PTCH1: variants seen among roughly 807,000 people sequenced by gnomAD.
PTCH1 encodes protein patched homolog 1.
A neutral mutation model predicts 144.6 loss-of-function variants in PTCH1; 14 were observed. That is an observed-to-expected ratio of 0.10 (90% CI 0.06 to 0.15). PTCH1 has a LOEUF of 0.15. Ranked by LOEUF, PTCH1 falls within the 10% of genes least tolerant of loss-of-function variation. The pLI is 1.00. For synonymous variants in PTCH1, 833 were observed against 793.6 expected, an observed-to-expected ratio of 1.05 and a Z score of -0.83; for missense variants, 1,623 against 1,948.3, an observed-to-expected ratio of 0.83 and a Z score of 3.14.
At position 95,508,842 on chromosome 9, in the gene PTCH1, C is replaced by G; in HGVS notation, c.-481G>C. On this transcript the variant is annotated 5_prime_UTR_variant, in exon 1 of 24. Coordinates refer to ENST00000331920, the MANE Select transcript of PTCH1 (RefSeq NM_000264.5). The stretch of plus-strand genomic sequence containing the variant: ...CCGCGCTGGCTCTCTCGGCGCCTCC[C>G]GGGTCGCCCGAGCGGCCGCGGAGGG... The G allele has an allele frequency of 2.0e-6, 2 of 983,950 alleles. No homozygotes were observed. Among genetic ancestry groups the G allele is most frequent in the Non-Finnish European group, 2.4e-6 (2 of 829,360 alleles). 61.0% of individuals were successfully genotyped at this position (983,950 alleles called of 1,614,324 possible). A position where few individuals can be genotyped will look rare whatever the true frequency, so the allele number is the denominator to read the frequency against.
upstream of PTCH1, among the ~76,000 whole-genome samples, chr9:95,512,748 C>G (rs1261604391): frequency 6.6e-6 from 1 of 152,202 alleles, no homozygotes; most frequent in African/African-American, 2.4e-5. Flanking sequence ...GCAGCCAGAC[C>G]TGCTAAGGTG....
At chr9:95,507,985 G>A in intron 1 of PTCH1, 176 bp downstream of exon 1, 4 of 1,505,336 alleles carry the variant, frequency 2.7e-6, no homozygotes, top group Admixed American at 2.0e-5. Context: ...ACCAGAGGGA[G>A]GGTTTGAATT....
intron 1 of PTCH1, chr9:95,507,735 A>C: frequency 5.2e-6 from 1 of 193,028 alleles, no homozygotes; most frequent in Non-Finnish European, 9.7e-6. Context: ...ATGTTAAGAA[A>C]TGTGGCAGCC....
chr9:95,481,628 C>T (rs1418581985), intron 5 of PTCH1, among the ~76,000 whole-genome samples: 1 of 152,146 alleles, frequency 6.6e-6, no homozygotes, highest in Non-Finnish European at 1.5e-5. Flanking sequence ...TGTCTAAATG[C>T]CTCGTCTTCG....
chr9:95,508,437 G>C lies in PTCH1; in HGVS notation c.-76C>G. 1 of 1,034,886 alleles carries C rather than the reference G, an allele frequency of 9.7e-7. No individual in the cohort carries two copies. The highest frequency in any genetic ancestry group is 1.2e-6 in the Non-Finnish European group (1 of 863,466). 64.1% of individuals were successfully genotyped at this position (1,034,886 alleles called of 1,614,324 possible). A position where few individuals can be genotyped will look rare whatever the true frequency, so the allele number is the denominator to read the frequency against. ...CCGGCGCGCTGCTGCCGCTGCTGCG[G>C]GCTCCTGGCGCGCCTGGGCGCTCGG... On this transcript the variant is annotated 5_prime_UTR_variant, in exon 1 of 24. Transcript: ENST00000331920.
intron 22 of PTCH1, among the ~76,000 whole-genome samples, chr9:95,448,567 C>T (rs1838163181): frequency 6.6e-6 from 1 of 152,146 alleles, no homozygotes; most frequent in Middle Eastern, 3.4e-3. Context: ...AGCTTGGAGC[C>T]CCAAAAGCTA....
At chr9:95,459,859 A>G (rs1839310265) in intron 16 of PTCH1, 76 bp from the exon 17 acceptor site, 1 of 1,502,846 alleles carries the variant, frequency 6.7e-7, no homozygotes, top group African/African-American at 1.4e-5. Context: ...AGAGCACAGA[A>G]GCTGAGCTTC....
chr9:95,471,096 A>G (rs1294864520), intron 12 of PTCH1, among the ~76,000 whole-genome samples: 2 of 151,148 alleles, frequency 1.3e-5, no homozygotes, highest in African/African-American at 4.9e-5. Context: ...AAAAAAAAAG[A>G]AAGAAAGAAA....
chr9:95,466,750 A>G (rs976048323), intron 15 of PTCH1, among the ~76,000 whole-genome samples: 1 of 152,234 alleles, frequency 6.6e-6, no homozygotes, highest in Non-Finnish European at 1.5e-5. Context: ...TTTGGCAATC[A>G]GTCTGGAAAT....
chr9:95,449,899 A>C lies in PTCH1; in HGVS notation c.3491T>G (p.Val1164Gly). Residue 1164 changes from valine to glycine, a missense_variant, in exon 21 of 24, where the codon GTT becomes GGT. Physicochemically the swap from Val to Gly is moderately radical, Grantham distance 109 (BLOSUM62 -3). Around this residue, in one of 7 missense-constraint regions of PTCH1, gnomAD observed 504 missense variants for 679.3 expected, o/e 0.74. Transcript: ENST00000331920. This position sits in a 1 kb window ranked among gnomAD's most constrained non-coding sequence, Gnocchi z 5.3. Reference sequence around the variant, plus strand: ...GGGAAGCAAAACCAGCCCATTGAGAACGCCGAGGATGGTGAGGATCGCCAG... The same window carrying C: ...GGGAAGCAAAACCAGCCCATTGAGACCGCCGAGGATGGTGAGGATCGCCAG... ...AVLAILTILG[V>G]LNGLVLLPVL... 1 of 1,614,166 alleles carries C rather than the reference A, an allele frequency of 6.2e-7. No individual in the cohort carries two copies. Among genetic ancestry groups the C allele is most frequent in the South Asian group, 1.1e-5 (1 of 91,074 alleles).
rs566029140 is a variant in PTCH1 at position 95,446,067 on chromosome 9, A to G, written c.*326T>C. The G allele has an allele frequency of 1.0e-5, 2 of 195,898 alleles. No homozygotes were observed. The highest frequency in any genetic ancestry group is 4.5e-5 in the African/African-American group (2 of 44,486). The allele number at this position is 195,898 out of a possible 1,614,324, so 12.1% of individuals were successfully genotyped here. A position where few individuals can be genotyped will look rare whatever the true frequency, so the allele number is the denominator to read the frequency against. ...GCAACATATGCTGAAATTTAAGACT[A>G]ATGAAGCTTGGTTGTGGCACGGAGC... On this transcript the variant is annotated 3_prime_UTR_variant, in exon 24 of 24. Coordinates refer to ENST00000331920, the MANE Select transcript of PTCH1 (RefSeq NM_000264.5).
chr9:95,446,648 C>CTGTTTG, intron 23 of PTCH1: 1 of 581,962 alleles, frequency 1.7e-6, no homozygotes, highest in South Asian at 1.9e-5. Context: ...AAAGGTGGTG[C>CTGTTTG]TGTTTGTGTC....
intron 17 of PTCH1, 134 bp downstream of exon 17, chr9:95,459,466 G>C: frequency 8.8e-7 from 1 of 1,140,494 alleles, no homozygotes; most frequent in Non-Finnish European, 1.3e-6. Flanking sequence ...AGTTTTAAAC[G>C]AGAAGAAATA....
intron 8 of PTCH1, among the ~76,000 whole-genome samples, chr9:95,478,413 T>A (rs1841260130): frequency 6.6e-6 from 1 of 152,192 alleles, no homozygotes; most frequent in South Asian, 2.1e-4. Context: ...TGGGTGCTGC[T>A]GAGGGCTGGT....
chr9:95,469,734 T>C, intron 13 of PTCH1, 79 bp downstream of exon 13: 2 of 1,345,302 alleles, frequency 1.5e-6, no homozygotes, highest in South Asian at 2.3e-5. Context: ...CATTCCTTTA[T>C]AAGTCCACAG....
chr9:95,490,609 A>G (rs1842330223), intron 2 of PTCH1, among the ~76,000 whole-genome samples: 1 of 151,852 alleles, frequency 6.6e-6, no homozygotes, highest in Non-Finnish European at 1.5e-5. Context: ...TTAAAAACAA[A>G]CTCAATGCAA....
chr9:95,476,102 T>A lies in PTCH1; in HGVS notation c.1660A>T (p.Ser554Cys), dbSNP rs1060502282. 1.2e-6 allele frequency: 2 copies of A among 1,613,840 alleles called. No homozygotes were observed. Among genetic ancestry groups the A allele is most frequent in the Non-Finnish European group, 8.5e-7 (1 of 1,179,900 alleles). The stretch of plus-strand genomic sequence containing the variant: ...GCCATGAAGAAGGCTGTGACATTGC[T>A]GATGGACGTGAGGGCCACGCTGGCT... Reference protein sequence around the residue: ...TGASVALTSISNVTAFFMAAL... With the variant: ...TGASVALTSICNVTAFFMAAL... Residue 554 changes from serine (S) to cysteine (C), a missense_variant, in exon 12 of 24, where the codon AGC becomes TGC. Physicochemically the swap from Ser to Cys is moderately radical, Grantham distance 112 (BLOSUM62 -1). Around this residue, in one of 7 missense-constraint regions of PTCH1, gnomAD observed 135 missense variants for 228.7 expected, o/e 0.59. Coordinates refer to ENST00000331920, the MANE Select transcript of PTCH1 (RefSeq NM_000264.5). This position sits in a 1 kb window ranked among gnomAD's most constrained non-coding sequence, Gnocchi z 4.6.
In PTCH1 at chr9:95,454,928, G is replaced by A. The variant is rs144047199; in HGVS notation, c.3307-1308C>T. Among the ~76,000 whole-genome samples the A allele has an allele frequency of 2.1e-3, 325 of 152,302 alleles. 2 individuals are homozygous for A. Among genetic ancestry groups the A allele is most frequent in the African/African-American group, 7.5e-3 (312 of 41,554 alleles). ...AAAATCTGCTCTGGGATACCCATTT[G>A]CCCTGCTAGCTTCCAAAAAAGGTGG... On this transcript the variant is annotated intron_variant, in intron 19 of 23. Coordinates refer to ENST00000331920, the MANE Select transcript of PTCH1 (RefSeq NM_000264.5).
upstream of PTCH1, among the ~76,000 whole-genome samples, chr9:95,511,182 G>A (rs1197806635): frequency 1.3e-5 from 2 of 150,308 alleles, no homozygotes; most frequent in Non-Finnish European, 3.0e-5. Flanking sequence ...CCACCGGGGC[G>A]GTCCACGCGG....
Sources: gnomAD v4.1 joint callset for allele counts (sites outside exome capture counted in the v4.1 genomes callset) on GRCh38, gnomAD v4.1.1 for gene constraint, gnomAD v4.1.1 regional missense constraint, Gnocchi (gnomAD v3.1) non-coding constraint, MANE v1.5 for transcripts, NCBI Gene and HGNC (gene_info 2026-07-23, HGNC 2026-07-21) for gene names.